SLC4A4: variants seen among roughly 807,000 people sequenced by gnomAD.
The protein encoded by SLC4A4 is electrogenic sodium bicarbonate cotransporter 1.
SLC4A4 carries 27 observed loss-of-function variants against 111.5 expected under a neutral mutation model. That is an observed-to-expected ratio of 0.24 (90% CI 0.18 to 0.33). SLC4A4 has a LOEUF of 0.33. SLC4A4 is among the 10% of genes least tolerant of loss of function. The pLI is 1.00. For missense variants in SLC4A4, 909 were observed against 1,315.5 expected (o/e 0.69, Z 4.78); for synonymous variants, 443 against 463.4 (o/e 0.96, Z 0.57).
chr4:71,238,437 C>G (rs189048488), intron 2 of SLC4A4, among the ~76,000 whole-genome samples: 5 of 152,046 alleles, frequency 3.3e-5, no homozygotes, highest in Admixed American at 1.3e-4. Flanking sequence ...GAAACAGAAA[C>G]ACAACCAAAG....
rs1210389271 is a variant in SLC4A4, at chr4:71,570,917, G to C, written c.*3166G>C. The C allele has an allele frequency of 1.3e-5, 2 of 152,060 alleles. No individual in the cohort carries two copies. Among genetic ancestry groups the C allele is most frequent in the Admixed American group, 1.3e-4 (2 of 15,164 alleles). 9.4% of individuals were successfully genotyped at this position (152,060 alleles called of 1,614,324 possible). ...TTCTCCCAATCAAGGTTGAGGAGTG[G>C]GGCTGGGGAGAGGACTTAACTGACT... On this transcript the variant is annotated 3_prime_UTR_variant, in exon 26 of 26. Transcript: ENST00000264485.
At chr4:71,563,571 A>C (rs6841132) in intron 23 of SLC4A4, among the ~76,000 whole-genome samples, 149,605 of 151,826 alleles carry the variant, frequency 0.99, 73,741 homozygotes, top group East Asian at 1. Flanking sequence ...TTGTGCAGTT[A>C]TAGTTTTAAT....
At chr4:71,096,315 A>G (rs1212222822) in intron 2 of SLC4A4, among the ~76,000 whole-genome samples, 2 of 152,196 alleles carry the variant, frequency 1.3e-5, no homozygotes, top group African/African-American at 2.4e-5. Context: ...AGGGTAACCC[A>G]GACGGTATGT....
At chr4:71,260,304 A>G (rs1284109957) in intron 3 of SLC4A4, among the ~76,000 whole-genome samples, 1 of 152,130 alleles carries the variant, frequency 6.6e-6, no homozygotes, top group Non-Finnish European at 1.5e-5. Flanking sequence ...ACCTGACCTC[A>G]TACTTCTTGG....
At chr4:71,076,851 C>A (rs1578455311) in intron 1 of SLC4A4, among the ~76,000 whole-genome samples, 1 of 151,472 alleles carries the variant, frequency 6.6e-6, no homozygotes, top group Non-Finnish European at 1.5e-5. Context: ...ATTAGCCTGG[C>A]ATGATGGAGA....
intron 1 of SLC4A4, among the ~76,000 whole-genome samples, chr4:71,203,589 T>C (rs1005192600): frequency 1.3e-5 from 2 of 152,182 alleles, no homozygotes; most frequent in African/African-American, 4.8e-5. Context: ...ATGTGGATTT[T>C]AGTTATACCT....
In SLC4A4 at chr4:71,521,914, C is replaced by T. The variant is rs548566399; in HGVS notation, c.2167-10148C>T. Among the ~76,000 whole-genome samples, 5 of 152,318 alleles carry T rather than the reference C, an allele frequency of 3.3e-5. No homozygotes were observed. The South Asian group carries it at 1.0e-3, about 32-fold the overall frequency. ...TTTACACTTACACTTCGATTCCACT[C>T]GTTCTGGCTCCCATTACCTTTGCTG... On this transcript the variant is annotated intron_variant, in intron 16 of 25. Coordinates refer to ENST00000264485, the MANE Select transcript of SLC4A4 (RefSeq NM_001098484.3).
chr4:71,293,494 C>G (rs1027193802), intron 3 of SLC4A4, among the ~76,000 whole-genome samples: 1 of 150,632 alleles, frequency 6.6e-6, no homozygotes, highest in Non-Finnish European at 1.5e-5. Flanking sequence ...ACCCGGGAGG[C>G]GGAGGTTGCA....
chr4:71,346,874 A>G (rs1729376262), intron 4 of SLC4A4, among the ~76,000 whole-genome samples: 1 of 152,182 alleles, frequency 6.6e-6, no homozygotes, highest in African/African-American at 2.4e-5. Context: ...GCATTTTTCC[A>G]GAGTTCTCCT....
At chr4:71,179,294 C>A (rs1234503529) in intron 2 of SLC4A4, among the ~76,000 whole-genome samples, 1 of 152,136 alleles carries the variant, frequency 6.6e-6, no homozygotes, top group Admixed American at 6.5e-5. Flanking sequence ...AAAACTGGCA[C>A]AAGACACGGA....
intron 1 of SLC4A4, among the ~76,000 whole-genome samples, chr4:71,080,891 G>A (rs1439841024): frequency 2.0e-5 from 3 of 152,032 alleles, no homozygotes; most frequent in Non-Finnish European, 2.9e-5. Context: ...GTTTATGATT[G>A]TTGGTAAATG....
intron 3 of SLC4A4, among the ~76,000 whole-genome samples, chr4:71,280,835 A>G (rs945455613): frequency 2.6e-5 from 4 of 152,066 alleles, no homozygotes; most frequent in Admixed American, 2.0e-4. Flanking sequence ...TAATTTTTGT[A>G]TTAGGTGTGA....
intron 2 of SLC4A4, among the ~76,000 whole-genome samples, chr4:71,098,375 A>G (rs1198405012): frequency 6.6e-6 from 1 of 152,126 alleles, no homozygotes; most frequent in African/African-American, 2.4e-5. Flanking sequence ...ATTCTGTTCC[A>G]TCAGTCTACA....
intron 2 of SLC4A4, among the ~76,000 whole-genome samples, chr4:71,094,855 C>G (rs949720953): frequency 1.3e-5 from 2 of 152,106 alleles, no homozygotes; most frequent in Non-Finnish European, 2.9e-5. Flanking sequence ...GAGCCAAGCT[C>G]TATATTTTCC....
chr4:71,381,565 T>C (rs1466046152), intron 6 of SLC4A4, among the ~76,000 whole-genome samples: 1 of 152,032 alleles, frequency 6.6e-6, no homozygotes, highest in Non-Finnish European at 1.5e-5. Flanking sequence ...GTTATAGGGG[T>C]AGAGTTTTGG....
intron 1 of SLC4A4, among the ~76,000 whole-genome samples, chr4:71,193,240 A>G (rs919855783): frequency 1.3e-5 from 2 of 152,130 alleles, no homozygotes; most frequent in South Asian, 2.1e-4. Flanking sequence ...GCTCACTGCA[A>G]GCTCCGCCTC....
chr4:71,414,627 A>G (rs1721680231), intron 7 of SLC4A4, among the ~76,000 whole-genome samples: 1 of 152,228 alleles, frequency 6.6e-6, no homozygotes, highest in Admixed American at 6.5e-5. Flanking sequence ...TATGTGCAGA[A>G]GAGAATGCAT....
rs150408411 is a variant in SLC4A4 at position 71,223,825 on chromosome 4, A to G, written c.-1-12751A>G. 7.9e-5 allele frequency among the ~76,000 whole-genome samples: 12 copies of G among 151,700 alleles called. No homozygotes were observed. The East Asian group carries it at 2.3e-3, about 30-fold the overall frequency. ...GTCTCAAAGCCCAGATCCCATTCCC[A>G]CAGAAGCCCGTCTTCACTGCCCGCT... On this transcript the variant is annotated intron_variant, in intron 1 of 25. Transcript: ENST00000264485.
At position 71,338,540 on chromosome 4, in the gene SLC4A4, T is replaced by C. The variant is rs1728612555; in HGVS notation, c.254-830T>C. On this transcript the variant is annotated intron_variant, in intron 3 of 25. Transcript: ENST00000264485. ...TCTTTCTTTTCTTCTTCTTCTTCTT[T>C]CTTCTTTCGTCGTCTTCTTCTTCTT... Among the ~76,000 whole-genome samples, 5 of 151,976 alleles carry C rather than the reference T, an allele frequency of 3.3e-5. No individual in the cohort carries two copies. In the South Asian group the frequency reaches 1.0e-3, roughly 32 times the overall value.
Sources: gnomAD v4.1 joint callset for allele counts (sites outside exome capture counted in the v4.1 genomes callset) on GRCh38, gnomAD v4.1.1 for gene constraint, MANE v1.5 for transcripts, NCBI Gene and HGNC (gene_info 2026-07-23, HGNC 2026-07-21) for gene names.